CPXM2: variants seen among roughly 807,000 people sequenced by gnomAD.
CPXM2 encodes carboxypeptidase X, M14 family member 2, also known as inactive carboxypeptidase-like protein X2.
A neutral mutation model predicts 86.1 loss-of-function variants in CPXM2; 66 were observed. The observed-to-expected ratio is 0.77, with a 90% CI of 0.63 to 0.94. CPXM2 has a LOEUF of 0.94. Among genes scored for constraint, CPXM2 ranks in the 40% least tolerant of loss-of-function variants. The probability of loss-of-function intolerance (pLI) is 0.00; values close to 1 mark genes in which losing one functional copy is unlikely to be tolerated. For synonymous variants in CPXM2, 388 were observed against 400.2 expected (o/e 0.97, Z 0.36); for missense variants, 948 against 1,026.3 (o/e 0.92, Z 1.04).
chr10:123,820,091 T>C (rs1176528372), intron 4 of CPXM2, among the ~76,000 whole-genome samples: 3 of 152,228 alleles, frequency 2.0e-5, no homozygotes, highest in African/African-American at 7.2e-5. Flanking sequence ...TTCTTCAGTT[T>C]TGGGACTCGG....
At chr10:123,851,652 C>T (rs923204052) in intron 3 of CPXM2, among the ~76,000 whole-genome samples, 3 of 152,036 alleles carry the variant, frequency 2.0e-5, no homozygotes, top group African/African-American at 7.2e-5. Context: ...ACCTGTAATC[C>T]CAGCTCCTCG....
chr10:123,849,281 G>T (rs538842131), intron 3 of CPXM2, among the ~76,000 whole-genome samples: 2 of 151,980 alleles, frequency 1.3e-5, no homozygotes, highest in African/African-American at 4.8e-5. Flanking sequence ...TAAGTCTTAC[G>T]TAACATACTT....
At chr10:123,778,407 G>A (rs566888833) in intron 7 of CPXM2, among the ~76,000 whole-genome samples, 8 of 152,236 alleles carry the variant, frequency 5.3e-5, no homozygotes, top group South Asian at 2.1e-4. Flanking sequence ...ATTGATGGGC[G>A]CTCTCCTGGA....
At position 123,912,326 on chromosome 10, in the gene CPXM2, C is replaced by T. The variant is rs914019829; in HGVS notation, n.174+27151G>A. ...TGGTGGGCGGGGGGGGGGGGGCAGG[C>T]ATTCCTGCCCTGCTCATACCTAAGT... On this transcript the variant is annotated intron_variant and non_coding_transcript_variant, in intron 2 of 19. Transcript: ENST00000368854. 8.2e-5 allele frequency among the ~76,000 whole-genome samples: 11 copies of T among 133,930 alleles called. No homozygotes were observed. The East Asian group carries it at 2.1e-3, about 25-fold the overall frequency. 87.9% of individuals were successfully genotyped at this position (133,930 alleles called of 152,430 possible).
intron 2 of CPXM2, chr10:123,931,403 GCC>G (rs994289104): frequency 1.3e-5 from 2 of 152,188 alleles, no homozygotes; most frequent in Non-Finnish European, 2.9e-5. Flanking sequence ...TCTGGACTCT[GCC>G]CCATGTGCCC....
chr10:123,804,038 T>A (rs116750240), intron 4 of CPXM2, among the ~76,000 whole-genome samples: 5 of 152,060 alleles, frequency 3.3e-5, no homozygotes, highest in African/African-American at 1.2e-4. Flanking sequence ...TGCACCAGAG[T>A]GGAAATTTGC....
intron 1 of CPXM2, among the ~76,000 whole-genome samples, chr10:123,881,911 G>T (rs914199895): frequency 6.6e-5 from 10 of 152,222 alleles, no homozygotes; most frequent in Non-Finnish European, 1.3e-4. Context: ...TGTGATGAAT[G>T]AATGAATGCA....
chr10:123,917,915 A>AGATAATAG (rs1945547184), intron 2 of CPXM2, among the ~76,000 whole-genome samples: 1 of 152,218 alleles, frequency 6.6e-6, no homozygotes, highest in East Asian at 1.9e-4. Flanking sequence ...GTGGTACAGG[A>AGATAATAG]GACAGATCTC....
At chr10:123,858,211 G>A (rs1197212201) in intron 3 of CPXM2, among the ~76,000 whole-genome samples, 1 of 152,310 alleles carries the variant, frequency 6.6e-6, no homozygotes, top group South Asian at 2.1e-4. Flanking sequence ...CAGCCTGCCC[G>A]GCCGCCTCCT....
intron 4 of CPXM2, among the ~76,000 whole-genome samples, chr10:123,827,210 C>G (rs1013799158): frequency 6.6e-6 from 1 of 152,064 alleles, no homozygotes; most frequent in Non-Finnish European, 1.5e-5. Context: ...AATTAAAAAT[C>G]CAAAAACCTC....
chr10:123,773,647 C>T (rs527474536), intron 7 of CPXM2, among the ~76,000 whole-genome samples: 4 of 152,308 alleles, frequency 2.6e-5, no homozygotes, highest in South Asian at 4.1e-4. Flanking sequence ...GCTTGCAGCA[C>T]ACAGCCAATA....
chr10:123,842,343 A>T lies in CPXM2; in HGVS notation c.653+6T>A. On this transcript the variant is annotated splice_donor_region_variant and intron_variant, in intron 4 of 13. Transcript: ENST00000241305. ...GTCCAGAAAGCATATGTCCAGGTAC[A>T]CTCACAGCCAGAGGGAGTTCCTCCC... 1 of 1,614,214 alleles carries T rather than the reference A, an allele frequency of 6.2e-7. No homozygotes were observed. The highest frequency in any genetic ancestry group is 1.1e-5 in the South Asian group (1 of 91,080).
chr10:123,794,321 C>T (rs1329487598), intron 6 of CPXM2, among the ~76,000 whole-genome samples: 4 of 152,198 alleles, frequency 2.6e-5, no homozygotes, highest in Admixed American at 6.5e-5. Context: ...AAGCCCCACA[C>T]ATTCATCATA....
chr10:123,902,485 A>T (rs777180947), intron 2 of CPXM2, among the ~76,000 whole-genome samples: 4 of 148,710 alleles, frequency 2.7e-5, no homozygotes, highest in Non-Finnish European at 1.5e-5. Flanking sequence ...ATAACAGAAT[A>T]CTATAGACGG....
chr10:123,889,832 AC>A (rs1945238301), intron 1 of CPXM2, among the ~76,000 whole-genome samples: 1 of 151,170 alleles, frequency 6.6e-6, no homozygotes, highest in Non-Finnish European at 1.5e-5. Flanking sequence ...CCTTAGCACT[AC>A]CCCCAGTGAC....
intron 2 of CPXM2, among the ~76,000 whole-genome samples, chr10:123,927,140 C>T (rs574429427): frequency 3.8e-4 from 58 of 152,300 alleles, no homozygotes; most frequent in African/African-American, 1.3e-3. Context: ...ACAGGGGTCC[C>T]CTCATGCATG....
intron 4 of CPXM2, among the ~76,000 whole-genome samples, chr10:123,823,235 G>A (rs1033707551): frequency 2.6e-5 from 4 of 152,158 alleles, no homozygotes; most frequent in Non-Finnish European, 4.4e-5. Context: ...GGAGAGAGGT[G>A]AAAAGAATTC....
At chr10:123,886,337 C>T (rs1188597447) in intron 1 of CPXM2, among the ~76,000 whole-genome samples, 1 of 152,166 alleles carries the variant, frequency 6.6e-6, no homozygotes, top group Non-Finnish European at 1.5e-5. Flanking sequence ...AAGCCAAATG[C>T]AGCAAAACAC....
At chr10:123,752,151 C>T (rs1393187375) in intron 13 of CPXM2, 19 of 985,466 alleles carry the variant, frequency 1.9e-5, no homozygotes, top group Non-Finnish European at 2.3e-5. Flanking sequence ...CCACATCACA[C>T]AGCCTTTCAT....
Sources: allele counts gnomAD v4.1 joint callset (sites outside exome capture counted in the v4.1 genomes callset), GRCh38; gene constraint gnomAD v4.1.1; transcripts MANE v1.5; gene names NCBI Gene and HGNC (gene_info 2026-07-23, HGNC 2026-07-21).